Variants in B3GLCT observed in about 807,000 individuals in gnomAD.
The protein encoded by B3GLCT is beta-1,3-glucosyltransferase.
A neutral mutation model predicts 63.4 loss-of-function variants in B3GLCT; 65 were observed. The observed-to-expected ratio is 1.03, with a 90% confidence interval of 0.84 to 1.26. The LOEUF (loss-of-function observed/expected upper bound fraction) is 1.26, where lower values mean the gene tolerates loss of function less well. Among genes scored for constraint, B3GLCT ranks in the 50% most tolerant of loss-of-function variants. The probability of loss-of-function intolerance (pLI) is 0.00; values close to 1 mark genes in which losing one functional copy is unlikely to be tolerated. For missense variants in B3GLCT, 577 were observed against 604.8 expected, an observed-to-expected ratio of 0.95 and a Z score of 0.48; for synonymous variants, 233 against 219.2, an observed-to-expected ratio of 1.06 and a Z score of -0.55.
At chr13:31,321,315 A>C (rs190735449) in intron 13 of B3GLCT, among the ~76,000 whole-genome samples, 1 of 152,378 alleles carries the variant, frequency 6.6e-6, no homozygotes, top group East Asian at 1.9e-4. Flanking sequence ...TAGTTTCTCT[A>C]GTATTACAGC....
At chr13:31,273,711 A>G (rs532514866) in intron 8 of B3GLCT, among the ~76,000 whole-genome samples, 21 of 152,296 alleles carry the variant, frequency 1.4e-4, no homozygotes, top group African/African-American at 5.1e-4. Context: ...AAGGATTTAC[A>G]TTAGCTTCTG....
intron 1 of B3GLCT, among the ~76,000 whole-genome samples, chr13:31,207,964 C>T (rs991550966): frequency 3.3e-5 from 5 of 152,230 alleles, no homozygotes; most frequent in Admixed American, 2.6e-4. Flanking sequence ...CATACATGAA[C>T]TCACTTAATT....
In B3GLCT at chr13:31,296,785, T is replaced by A. The variant is rs115482032; in HGVS notation, c.1064+9966T>A. ...TTAATTGTGGTAAAGTACACACAAC[T>A]TCAAATTTACCATCATAACCATTTT... is the stretch of plus-strand genomic sequence containing the variant. On this transcript the variant is annotated intron_variant, in intron 12 of 14. Coordinates refer to ENST00000343307, the MANE Select transcript of B3GLCT (RefSeq NM_194318.4). Among the ~76,000 whole-genome samples, 832 of 152,234 alleles carry A rather than the reference T, an allele frequency of 5.5e-3. 12 individuals carry two copies. The highest frequency in any genetic ancestry group is 0.019 in the African/African-American group (800 of 41,554).
At chr13:31,263,880 G>A (rs894195580) in intron 7 of B3GLCT, among the ~76,000 whole-genome samples, 3 of 152,132 alleles carry the variant, frequency 2.0e-5, no homozygotes, top group African/African-American at 7.2e-5. Context: ...CACTGCAGCA[G>A]GGTGTGTAGG....
At chr13:31,302,230 GC>G (rs1311580258) in intron 12 of B3GLCT, among the ~76,000 whole-genome samples, 1 of 152,156 alleles carries the variant, frequency 6.6e-6, no homozygotes, top group Non-Finnish European at 1.5e-5. Context: ...TGCAAAATGG[GC>G]CCCTTTAACA....
chr13:31,298,632 C>A (rs1240188074), intron 12 of B3GLCT, among the ~76,000 whole-genome samples: 1 of 152,148 alleles, frequency 6.6e-6, no homozygotes, highest in Non-Finnish European at 1.5e-5. Context: ...TCTTTCTCTC[C>A]GTTAATACCC....
At chr13:31,310,106 C>T (rs141882770) in intron 12 of B3GLCT, among the ~76,000 whole-genome samples, 121 of 152,222 alleles carry the variant, frequency 7.9e-4, no homozygotes, top group African/African-American at 2.7e-3. Context: ...AGAACTTCCT[C>T]GATGCCTTTT....
intron 1 of B3GLCT, among the ~76,000 whole-genome samples, chr13:31,214,433 G>A (rs1343295113): frequency 6.6e-6 from 1 of 152,136 alleles, no homozygotes; most frequent in Non-Finnish European, 1.5e-5. Flanking sequence ...CGTCTGTGAT[G>A]GCTCTGACTC....
chr13:31,261,393 G>C (rs1232219060), intron 7 of B3GLCT, among the ~76,000 whole-genome samples: 1 of 152,226 alleles, frequency 6.6e-6, no homozygotes, highest in African/African-American at 2.4e-5. Context: ...CATCATTACT[G>C]TTGTTAAGGG....
chr13:31,276,815 C>A, intron 10 of B3GLCT, 44 bp downstream of exon 10: 1 of 1,361,538 alleles, frequency 7.3e-7, no homozygotes, highest in Non-Finnish European at 1.1e-6. Context: ...AAAATCCAGA[C>A]TACCTTCTAA....
chr13:31,239,273 G>A (rs749835856), intron 4 of B3GLCT, among the ~76,000 whole-genome samples: 7 of 152,174 alleles, frequency 4.6e-5, no homozygotes, highest in Non-Finnish European at 1.0e-4. Context: ...GGAATACAGA[G>A]TTTGAAGAAG....
intron 6 of B3GLCT, 66 bp from the exon 7 acceptor site, chr13:31,260,880 C>A: frequency 1.4e-6 from 2 of 1,411,586 alleles, no homozygotes; most frequent in Non-Finnish European, 2.0e-6. Context: ...CCAATAGTAC[C>A]ACCTTCTATT....
At chr13:31,302,126 C>T (rs1380744759) in intron 12 of B3GLCT, among the ~76,000 whole-genome samples, 1 of 152,228 alleles carries the variant, frequency 6.6e-6, no homozygotes, top group African/African-American at 2.4e-5. Context: ...TTATTAGCAT[C>T]TGTAAGACCT....
intron 6 of B3GLCT, among the ~76,000 whole-genome samples, chr13:31,253,640 G>A (rs9542574): frequency 0.97 from 116,953 of 120,906 alleles, 56,732 homozygotes; most frequent in East Asian, 1. Flanking sequence ...GCAAGAGCAA[G>A]CAAATTCAAA....
intron 6 of B3GLCT, among the ~76,000 whole-genome samples, chr13:31,256,294 A>T (rs1405867622): frequency 6.6e-6 from 1 of 152,192 alleles, no homozygotes; most frequent in East Asian, 1.9e-4. Context: ...GCTGGAGAGG[A>T]TGTGGAGAAG....
intron 4 of B3GLCT, among the ~76,000 whole-genome samples, chr13:31,240,220 T>C (rs1254530358): frequency 3.9e-5 from 6 of 152,174 alleles, no homozygotes; most frequent in African/African-American, 1.4e-4. Flanking sequence ...TGGATTACAT[T>C]TTCTGCTTTA....
chr13:31,315,851 T>C (rs1460233797), intron 12 of B3GLCT, among the ~76,000 whole-genome samples: 2 of 152,214 alleles, frequency 1.3e-5, no homozygotes, highest in African/African-American at 4.8e-5. Flanking sequence ...CTATGCAGCC[T>C]CAGGACTTGG....
intron 12 of B3GLCT, among the ~76,000 whole-genome samples, chr13:31,310,169 A>G (rs543926085): frequency 1.3e-5 from 2 of 151,708 alleles, no homozygotes; most frequent in East Asian, 1.9e-4. Context: ...GTCAGCACAC[A>G]CTCCCCGATC....
chr13:31,219,721 G>A (rs1346899529), intron 2 of B3GLCT, among the ~76,000 whole-genome samples: 1 of 152,162 alleles, frequency 6.6e-6, no homozygotes, highest in Non-Finnish European at 1.5e-5. Flanking sequence ...AACAATGCCA[G>A]GTCCTGTTTA....
Sources: gnomAD v4.1 joint callset for allele counts (sites outside exome capture counted in the v4.1 genomes callset) on GRCh38, gnomAD v4.1.1 for gene constraint, MANE v1.5 for transcripts, NCBI Gene and HGNC (gene_info 2026-07-23, HGNC 2026-07-21) for gene names.